MAP3K10: variants seen among roughly 807,000 people sequenced by gnomAD.
MAP3K10 encodes the protein mitogen-activated protein kinase kinase kinase 10.
A neutral mutation model predicts 75.0 loss-of-function variants in MAP3K10; 22 were observed. The ratio of observed to expected loss-of-function variants is 0.29; its 90% CI spans 0.21 to 0.42. The LOEUF (loss-of-function observed/expected upper bound fraction) is 0.42. Ranked by LOEUF, MAP3K10 falls within the 10% of genes least tolerant of loss-of-function variation. The pLI is 1.00. For synonymous variants in MAP3K10, 599 were observed against 612.9 expected, an observed-to-expected ratio of 0.98 and a Z score of 0.34; for missense variants, 1,165 against 1,379.8, an observed-to-expected ratio of 0.84 and a Z score of 2.47.
intron 2 of MAP3K10, among the ~76,000 whole-genome samples, chr19:40,201,627 G>C (rs981693289): frequency 1.3e-5 from 2 of 151,364 alleles, no homozygotes; most frequent in African/African-American, 4.9e-5. Flanking sequence ...CTAGTAGCTG[G>C]GACTACAGGC....
In MAP3K10 at chr19:40,213,837, G is replaced by A; in HGVS notation, c.2158G>A (p.Gly720Ser). 7.5e-7 allele frequency: 1 copy of A among 1,341,838 alleles called. No homozygotes were observed. Among genetic ancestry groups the A allele is most frequent in the Admixed American group, 3.8e-5 (1 of 25,998 alleles). The allele number at this position is 1,341,838 out of a possible 1,614,324, so 83.1% of individuals were successfully genotyped here. Residue 720 changes from glycine to serine, a missense_variant, in exon 9 of 10, where the codon GGC becomes AGC. By Grantham distance (56) the Gly-to-Ser change is moderately conservative (BLOSUM62 0). Around this residue, in one of 2 missense-constraint regions of MAP3K10, gnomAD observed 590 missense variants for 586.6 expected, o/e 1.01. Coordinates refer to ENST00000253055, the MANE Select transcript of MAP3K10 (RefSeq NM_002446.4). This position sits in a 1 kb window ranked among gnomAD's most constrained non-coding sequence, Gnocchi z 5.7. ...TCCCCGCGCCGGCCGCTTCCCGCGG[G>A]GCCTCAGCCCACCCGCGCGTCCCCA... ...FFPRAGRFPRGLSPPARPHGR... is the reference protein window; with the variant it reads ...FFPRAGRFPRSLSPPARPHGR...
chr19:40,215,056 C>G lies in MAP3K10; in HGVS notation c.2629C>G (p.Arg877Gly). The G allele has an allele frequency of 6.2e-7, 1 of 1,606,292 alleles. No homozygotes were observed. The highest frequency in any genetic ancestry group is 8.5e-7 in the Non-Finnish European group (1 of 1,175,972). ...ARRRPPEFPGRPTTLTFAPRP... is the reference protein window; with the variant it reads ...ARRRPPEFPGGPTTLTFAPRP... ...CCGCCGGCCCCCTGAGTTCCCAGGC[C>G]GCCCCACCACCCTGACCTTTGCCCC... The change falls in exon 10 of 10, where the codon CGC becomes GGC. Residue 877 changes from arginine to glycine, a missense_variant. Physicochemically the swap from Arg to Gly is moderately radical, Grantham distance 125 (BLOSUM62 -2). Around this residue, in one of 2 missense-constraint regions of MAP3K10, gnomAD observed 590 missense variants for 586.6 expected, o/e 1.01. Transcript: ENST00000253055.
Position 40,198,569 on chromosome 19 carries a change from C to T in MAP3K10, c.863+14C>T, listed in dbSNP as rs755400028. On this transcript the variant is annotated intron_variant, in intron 2 of 9. Transcript: ENST00000253055. This position sits in a 1 kb window ranked among gnomAD's most constrained non-coding sequence, Gnocchi z 4.3. ...TGATGTCTGGAGGTGCTGAAAGGCGCGGCCGGGATGGCCTCTGGGGAGTAA... is the reference window on the plus strand; with the variant it reads ...TGATGTCTGGAGGTGCTGAAAGGCGTGGCCGGGATGGCCTCTGGGGAGTAA... The T allele has an allele frequency of 3.6e-5, 58 of 1,598,822 alleles. No individual in the cohort carries two copies. Among genetic ancestry groups the T allele is most frequent in the Middle Eastern group, 3.3e-4 (2 of 6,020 alleles).
At position 40,204,045 on chromosome 19, in the gene MAP3K10, C is replaced by A. The variant is rs1233150569; in HGVS notation, c.864-440C>A. ...TTGGAAGTGAGGCTGCAGGGGTCAT[C>A]AAAGGCCAGGGCCAAGAAGGATGGA... is the stretch of plus-strand genomic sequence containing the variant. On this transcript the variant is annotated intron_variant, in intron 2 of 9. Coordinates refer to ENST00000253055, the MANE Select transcript of MAP3K10 (RefSeq NM_002446.4). The surrounding 1 kb of genome is among the most constrained non-coding windows in gnomAD (Gnocchi z 4.3). 6.6e-6 allele frequency among the ~76,000 whole-genome samples: 1 copy of A among 152,100 alleles called. No individual in the cohort carries two copies. Among genetic ancestry groups the A allele is most frequent in the African/African-American group, 2.4e-5 (1 of 41,418 alleles).
chr19:40,214,002 T>TGGCCCC lies in MAP3K10; in HGVS notation c.2323_2324insGGCCCC (p.Ser775delinsTrpProPro). 6.7e-7 allele frequency: 1 copy of TGGCCCC among 1,493,668 alleles called. No individual in the cohort carries two copies. Among genetic ancestry groups the TGGCCCC allele is most frequent in the Non-Finnish European group, 8.9e-7 (1 of 1,123,852 alleles). The allele number at this position is 1,493,668 out of a possible 1,614,324, so 92.5% of individuals were successfully genotyped here. On this transcript the variant is annotated protein_altering_variant, in exon 9 of 10. Transcript: ENST00000253055. The stretch of plus-strand genomic sequence containing the variant: ...TGACGAGGCCGCACCGGCCGCGCCC[T>TGGCCCC]CCCCACCACCCTCCCCGCCCGCGCC...
At position 40,191,812 on chromosome 19, in the gene MAP3K10, C is replaced by A; in HGVS notation, c.-220C>A. 1 of 160,306 alleles carries A rather than the reference C, an allele frequency of 6.2e-6. No homozygotes were observed. Among genetic ancestry groups the A allele is most frequent in the Non-Finnish European group, 1.3e-5 (1 of 74,592 alleles). 9.9% of individuals were successfully genotyped at this position (160,306 alleles called of 1,614,324 possible). A position where few individuals can be genotyped will look rare whatever the true frequency, so the allele number is the denominator to read the frequency against. ...GGGTGAACCTGCCGCCCCACTCCCA[C>A]CCCGCCCCGCCCCGCCCGTACAGCC... On this transcript the variant is annotated 5_prime_UTR_variant, in exon 1 of 10. Coordinates refer to ENST00000253055, the MANE Select transcript of MAP3K10 (RefSeq NM_002446.4).
At position 40,192,992 on chromosome 19, in the gene MAP3K10, C is replaced by T. The variant is rs1444987295; in HGVS notation, c.682+279C>T. On this transcript the variant is annotated intron_variant, in intron 1 of 9. Transcript: ENST00000253055. The surrounding 1 kb of genome is among the most constrained non-coding windows in gnomAD (Gnocchi z 7.1). ...TGAACACCTGCGTTCCCTGCATGAA[C>T]AGGACAGATGCAGTGCCTGCCTTCA... 6.6e-6 allele frequency among the ~76,000 whole-genome samples: 1 copy of T among 152,198 alleles called. No homozygotes were observed. Among genetic ancestry groups the T allele is most frequent in the African/African-American group, 2.4e-5 (1 of 41,440 alleles).
rs1973079244 is a variant in MAP3K10 at position 40,204,497 on chromosome 19, G to T, written c.876G>T (p.Leu292=). 1.9e-6 allele frequency: 3 copies of T among 1,613,476 alleles called. No homozygotes were observed. Among genetic ancestry groups the T allele is most frequent in the Non-Finnish European group, 2.5e-6 (3 of 1,179,900 alleles). Residue 292 remains leucine (L), a synonymous_variant, in exon 3 of 10, where the codon CTG becomes CTT. Transcript: ENST00000253055. This position sits in a 1 kb window ranked among gnomAD's most constrained non-coding sequence, Gnocchi z 4.3. ...KSSDVWSFGV[L]LWELLTGEVP... ...CCCCTGCCTGCAGCTTCGGGGTGCT[G>T]CTGTGGGAGCTGCTGACGGGGGAGG...
rs1973074125 is a variant in MAP3K10 at position 40,204,191 on chromosome 19, C to T, written c.864-294C>T. On this transcript the variant is annotated intron_variant, in intron 2 of 9. Transcript: ENST00000253055. The surrounding 1 kb of genome is among the most constrained non-coding windows in gnomAD (Gnocchi z 4.3). ...GGGCAACATAGTGAGACCTCCATCT[C>T]TACAAAAATAAAAATAAGAAAGATG... 6.6e-6 allele frequency among the ~76,000 whole-genome samples: 1 copy of T among 152,096 alleles called. No homozygotes were observed. Among genetic ancestry groups the T allele is most frequent in the Admixed American group, 6.5e-5 (1 of 15,270 alleles).
rs1197816591 is a variant in MAP3K10 at position 40,204,163 on chromosome 19, C to T, written c.864-322C>T. ...CTTGAGCCCAGGAGTTTGAGACCAG[C>T]CTGGGCAACATAGTGAGACCTCCAT... On this transcript the variant is annotated intron_variant, in intron 2 of 9. Coordinates refer to ENST00000253055, the MANE Select transcript of MAP3K10 (RefSeq NM_002446.4). The surrounding 1 kb of genome is among the most constrained non-coding windows in gnomAD (Gnocchi z 4.3). Among the ~76,000 whole-genome samples the T allele has an allele frequency of 1.3e-5, 2 of 152,104 alleles. No individual in the cohort carries two copies. The highest frequency in any genetic ancestry group is 2.4e-5 in the African/African-American group (1 of 41,390).
At position 40,204,913 on chromosome 19, in the gene MAP3K10, G is replaced by A. The variant is rs552818661; in HGVS notation, c.1013-208G>A. 8.7e-4 allele frequency: 538 copies of A among 620,894 alleles called. 8 individuals are homozygous for A. In the East Asian group the frequency reaches 0.014, roughly 17 times the overall value. 38.5% of individuals were successfully genotyped at this position (620,894 alleles called of 1,614,324 possible). A position where few individuals can be genotyped will look rare whatever the true frequency, so the allele number is the denominator to read the frequency against. ...CTGATTCCACTACCAGCCCCTCCTC[G>A]GGGTGCAGGTCCCAGGGTTTCTCTC... On this transcript the variant is annotated intron_variant, in intron 3 of 9. Coordinates refer to ENST00000253055, the MANE Select transcript of MAP3K10 (RefSeq NM_002446.4). The surrounding 1 kb of genome is among the most constrained non-coding windows in gnomAD (Gnocchi z 4.3).
rs56200572 is a variant in MAP3K10, at chr19:40,204,551, C to T, written c.930C>T (p.Ala310=). ...EVPYREIDAL[A]VAYGVAMNKL... ...CCTACCGTGAGATCGACGCCTTGGC[C>T]GTGGCGTATGGCGTGGCTATGAATA... Residue 310 remains alanine (A), a synonymous_variant, in exon 3 of 10, where the codon GCC becomes GCT. Coordinates refer to ENST00000253055, the MANE Select transcript of MAP3K10 (RefSeq NM_002446.4). This position sits in a 1 kb window ranked among gnomAD's most constrained non-coding sequence, Gnocchi z 4.3. 2.8e-4 allele frequency: 451 copies of T among 1,614,010 alleles called. 3 individuals are homozygous for T. In the East Asian group the frequency reaches 4.6e-3, roughly 16 times the overall value.
At position 40,204,825 on chromosome 19, in the gene MAP3K10, C is replaced by T; in HGVS notation, c.1012+192C>T. On this transcript the variant is annotated intron_variant, in intron 3 of 9. Transcript: ENST00000253055. This position sits in a 1 kb window ranked among gnomAD's most constrained non-coding sequence, Gnocchi z 4.3. ...CCCCACATCCCAGCCCTTGTTTGGGCCAGGCCCAGAGCTCTCAGGACAACC... is the reference window on the plus strand; with the variant it reads ...CCCCACATCCCAGCCCTTGTTTGGGTCAGGCCCAGAGCTCTCAGGACAACC... The T allele has an allele frequency of 2.8e-6, 2 of 714,954 alleles. 1 individual carries two copies. The highest frequency in any genetic ancestry group is 4.5e-6 in the Non-Finnish European group (2 of 443,598). 44.3% of individuals were successfully genotyped at this position (714,954 alleles called of 1,614,324 possible).
chr19:40,199,067 C>CA (rs1413003332), intron 2 of MAP3K10, among the ~76,000 whole-genome samples: 11 of 151,398 alleles, frequency 7.3e-5, no homozygotes, highest in African/African-American at 2.7e-4. Flanking sequence ...ACTCTGTCTC[C>CA]AAAAAAAGAA....
At chr19:40,211,702 T>C (rs960847320) in intron 6 of MAP3K10, among the ~76,000 whole-genome samples, 3 of 152,098 alleles carry the variant, frequency 2.0e-5, no homozygotes, top group African/African-American at 4.8e-5. Flanking sequence ...GCAAAGGACA[T>C]GATCTCGTTC....
rs767062710 is a variant in MAP3K10 at position 40,192,088 on chromosome 19, C to G, written c.57C>G (p.Pro19=). ...AGTGGGGCACGACCCCCGCGGGGCCCGTCTGGACCGCGGTGTTCGACTACG... is the reference window on the plus strand; with the variant it reads ...AGTGGGGCACGACCCCCGCGGGGCCGGTCTGGACCGCGGTGTTCGACTACG... The part of the protein sequence containing the change: ...AKEWGTTPAG[P]VWTAVFDYEA... The change falls in exon 1 of 10, where the codon CCC becomes CCG. Residue 19 remains proline (P), a synonymous_variant. Coordinates refer to ENST00000253055, the MANE Select transcript of MAP3K10 (RefSeq NM_002446.4). This position sits in a 1 kb window ranked among gnomAD's most constrained non-coding sequence, Gnocchi z 7.1. 2.0e-6 allele frequency: 3 copies of G among 1,534,396 alleles called. No homozygotes were observed. The highest frequency in any genetic ancestry group is 2.4e-5 in the East Asian group (1 of 42,272).
rs576774233 is a variant in MAP3K10, at chr19:40,214,854, G to A, written c.2543-116G>A. ...TACAGATGGAAACTGGATGCAGCAAGATCCACGGATTTCTCGAGAGAAACC... is the reference window on the plus strand; with the variant it reads ...TACAGATGGAAACTGGATGCAGCAAAATCCACGGATTTCTCGAGAGAAACC... On this transcript the variant is annotated intron_variant, in intron 9 of 9. Transcript: ENST00000253055. The A allele has an allele frequency of 3.7e-3, 2,334 of 623,190 alleles. 12 individuals are homozygous for A. Among genetic ancestry groups the A allele is most frequent in the South Asian group, 0.013 (710 of 53,050 alleles). The allele number at this position is 623,190 out of a possible 1,614,324, so 38.6% of individuals were successfully genotyped here.
intron 1 of MAP3K10, among the ~76,000 whole-genome samples, chr19:40,196,006 T>C (rs1972897898): frequency 6.6e-6 from 1 of 152,084 alleles, no homozygotes; most frequent in African/African-American, 2.4e-5. Flanking sequence ...ACACTAATAA[T>C]AACAGCTAAC....
At chr19:40,199,238 GA>G (rs1296708513) in intron 2 of MAP3K10, among the ~76,000 whole-genome samples, 1 of 152,142 alleles carries the variant, frequency 6.6e-6, no homozygotes, top group East Asian at 1.9e-4. Flanking sequence ...TAGCAGAGAA[GA>G]AAAATACATG....
Sources: allele counts gnomAD v4.1 joint callset (sites outside exome capture counted in the v4.1 genomes callset), GRCh38; gene constraint gnomAD v4.1.1; regional missense constraint gnomAD v4.1.1; non-coding constraint Gnocchi (gnomAD v3.1); transcripts MANE v1.5; gene names NCBI Gene and HGNC (gene_info 2026-07-23, HGNC 2026-07-21).